CTNNAL1: variants seen among roughly 807,000 people sequenced by gnomAD.
The protein encoded by CTNNAL1 is catenin alpha like 1, also known as alpha-catulin.
CTNNAL1 carries 69 observed loss-of-function variants against 93.6 expected under a neutral mutation model. The ratio of observed to expected loss-of-function variants is 0.74; its 90% confidence interval spans 0.61 to 0.90. The LOEUF (loss-of-function observed/expected upper bound fraction) is 0.90. Among genes scored for constraint, CTNNAL1 ranks in the 40% least tolerant of loss-of-function variants. The pLI is 0.00. For missense variants in CTNNAL1, 836 were observed against 862.0 expected, an observed-to-expected ratio of 0.97 and a Z score of 0.38; for synonymous variants, 286 against 305.4, an observed-to-expected ratio of 0.94 and a Z score of 0.66.
chr9:108,979,346 TGC>T lies in CTNNAL1; in HGVS notation c.1034_1035del (p.Arg345HisfsTer32). Reference protein sequence around the residue: ...SAYTSHEHRERILELSTQARM... With the variant: ...SAYTSHEHREXILELSTQARM... ...CTCGCCTGAGTTGACAGTTCCAAGA[TGC>T]GTTCTCTGTGCTCATGGCTGGTGTA... On this transcript the variant is annotated frameshift_variant, in exon 7 of 19. Coordinates refer to ENST00000325551, the MANE Select transcript of CTNNAL1 (RefSeq NM_003798.4). LOFTEE classifies it high-confidence loss of function. The T allele has an allele frequency of 6.2e-7, 1 of 1,614,184 alleles. No individual in the cohort carries two copies. Among genetic ancestry groups the T allele is most frequent in the Non-Finnish European group, 8.5e-7 (1 of 1,180,028 alleles).
intron 6 of CTNNAL1, among the ~76,000 whole-genome samples, chr9:108,980,615 C>G (rs1831400664): frequency 6.6e-6 from 1 of 152,144 alleles, no homozygotes; most frequent in Non-Finnish European, 1.5e-5. Flanking sequence ...CAGGTGATCA[C>G]TCCATCCTAG....
chr9:108,965,292 C>T (rs1830923035), intron 11 of CTNNAL1, 86 bp downstream of exon 11: 1 of 1,111,570 alleles, frequency 9.0e-7, no homozygotes, highest in Non-Finnish European at 1.2e-6. Context: ...GACAAGAATT[C>T]ATTTGCAGTT....
chr9:108,968,248 C>A (rs36033465), intron 10 of CTNNAL1, among the ~76,000 whole-genome samples: 2,059 of 152,300 alleles, frequency 0.014, 23 homozygotes, highest in East Asian at 0.027. Flanking sequence ...TAAATTATCC[C>A]AGAGGCATGC....
chr9:109,013,163 AGGCGGTCC>A, intron 1 of CTNNAL1, 131 bp downstream of exon 1: 2 of 1,102,900 alleles, frequency 1.8e-6, no homozygotes, highest in Non-Finnish European at 2.4e-6. Context: ...AGCCCCACAC[AGGCGGTCC>A]GACAAGAACG....
At chr9:108,991,928 C>A in intron 3 of CTNNAL1, 1 of 647,672 alleles carries the variant, frequency 1.5e-6, no homozygotes, top group South Asian at 1.7e-5. Context: ...AACTTCTGGA[C>A]TGGAAGAGTT....
chr9:108,970,606 TTAAAA>T, intron 9 of CTNNAL1, 112 bp from the exon 10 acceptor site: 1 of 909,552 alleles, frequency 1.1e-6, no homozygotes, highest in South Asian at 2.7e-5. Flanking sequence ...TTAAAACCTA[TTAAAA>T]TAAACTTAAA....
At position 108,998,250 on chromosome 9, in the gene CTNNAL1, C is replaced by A. The variant is rs532770698; in HGVS notation, c.331+817G>T. 8.5e-5 allele frequency among the ~76,000 whole-genome samples: 13 copies of A among 152,258 alleles called. No individual in the cohort carries two copies. In the South Asian group the frequency reaches 2.5e-3, roughly 29 times the overall value. On this transcript the variant is annotated intron_variant, in intron 2 of 18. Transcript: ENST00000325551. ...ATCTAGTAGGTAGAAGCTAGTGATG[C>A]TGATAAACATCCTACAATGTACAGG...
At chr9:108,943,671 A>T (rs1830312971) in intron 17 of CTNNAL1, 32 bp downstream of exon 17, 2 of 1,569,458 alleles carry the variant, frequency 1.3e-6, no homozygotes, top group Admixed American at 1.8e-5. Context: ...ATAAAGATAG[A>T]TGTGTGAAAG....
chr9:108,976,458 T>G (rs1471169378), intron 8 of CTNNAL1, among the ~76,000 whole-genome samples: 1 of 152,200 alleles, frequency 6.6e-6, no homozygotes, highest in African/African-American at 2.4e-5. Flanking sequence ...TGATGAAAAT[T>G]CATGTGCAAG....
intron 4 of CTNNAL1, among the ~76,000 whole-genome samples, chr9:108,989,150 CA>C (rs1251834504): frequency 1.3e-5 from 2 of 152,128 alleles, no homozygotes; most frequent in Non-Finnish European, 2.9e-5. Flanking sequence ...TTTCTAACTA[CA>C]AATCAAAATG....
chr9:108,957,077 A>G (rs1304780538), intron 11 of CTNNAL1, among the ~76,000 whole-genome samples: 1 of 150,654 alleles, frequency 6.6e-6, no homozygotes, highest in Non-Finnish European at 1.5e-5. Flanking sequence ...ATTAAAACAA[A>G]TTTCATGTTT....
chr9:108,988,940 C>T (rs1228882201), intron 4 of CTNNAL1, among the ~76,000 whole-genome samples: 1 of 152,198 alleles, frequency 6.6e-6, no homozygotes, highest in African/African-American at 2.4e-5. Context: ...CATTTGAACC[C>T]TGGATGCATA....
rs578108421 is a variant in CTNNAL1 at position 108,976,800 on chromosome 9, T to C, written c.1188+162A>G. Among the ~76,000 whole-genome samples the C allele has an allele frequency of 1.2e-4, 18 of 152,242 alleles. No homozygotes were observed. The South Asian group carries it at 3.5e-3, about 30-fold the overall frequency. ...TCCCACCTTGGCCTCCCCACAGTGC[T>C]GGAATTACGGGCATGAGCCACCATG... On this transcript the variant is annotated intron_variant, in intron 8 of 18. Coordinates refer to ENST00000325551, the MANE Select transcript of CTNNAL1 (RefSeq NM_003798.4).
chr9:108,993,787 C>T (rs1015452437), intron 2 of CTNNAL1, among the ~76,000 whole-genome samples: 5 of 152,252 alleles, frequency 3.3e-5, no homozygotes, highest in African/African-American at 1.2e-4. Context: ...TACCTGTGTG[C>T]CTAATGGATT....
chr9:109,003,716 A>G (rs1397069876), intron 1 of CTNNAL1, among the ~76,000 whole-genome samples: 1 of 152,182 alleles, frequency 6.6e-6, no homozygotes, highest in Admixed American at 6.5e-5. Flanking sequence ...AAGCTGAAAG[A>G]CGTTACACTT....
intron 1 of CTNNAL1, among the ~76,000 whole-genome samples, chr9:109,000,081 AAC>A (rs1215801706): frequency 2.0e-5 from 3 of 152,260 alleles, no homozygotes; most frequent in African/African-American, 2.4e-5. Flanking sequence ...CTCTTTGTAC[AAC>A]TACTATGTGC....
At chr9:109,006,053 A>C (rs923662655) in intron 1 of CTNNAL1, among the ~76,000 whole-genome samples, 2 of 152,254 alleles carry the variant, frequency 1.3e-5, no homozygotes, top group Admixed American at 1.3e-4. Context: ...CAAAAGTTAT[A>C]CATGTTTATT....
At position 108,992,613 on chromosome 9, in the gene CTNNAL1, A is replaced by G; in HGVS notation, c.519+19T>C. On this transcript the variant is annotated intron_variant, in intron 3 of 18. Coordinates refer to ENST00000325551, the MANE Select transcript of CTNNAL1 (RefSeq NM_003798.4). The stretch of plus-strand genomic sequence containing the variant: ...AACACAGAAAGACAAAAATACAGCA[A>G]CATCAGAAAGGTAAGTACCTTATTT... The G allele has an allele frequency of 1.3e-6, 2 of 1,583,486 alleles. No homozygotes were observed. Among genetic ancestry groups the G allele is most frequent in the Non-Finnish European group, 1.7e-6 (2 of 1,166,738 alleles).
At chr9:109,012,240 T>C (rs1228817978) in intron 1 of CTNNAL1, among the ~76,000 whole-genome samples, 1 of 152,230 alleles carries the variant, frequency 6.6e-6, no homozygotes, top group Non-Finnish European at 1.5e-5. Flanking sequence ...TAATAGCATT[T>C]AGAATTCTAT....
Sources: allele counts gnomAD v4.1 joint callset (sites outside exome capture counted in the v4.1 genomes callset), GRCh38; gene constraint gnomAD v4.1.1; transcripts MANE v1.5; gene names NCBI Gene and HGNC (gene_info 2026-07-23, HGNC 2026-07-21).